Variants in NRXN3 observed in about 807,000 individuals in gnomAD.
NRXN3 encodes the protein neurexin 3.
Under a neutral mutation model 137.6 loss-of-function variants are expected in NRXN3, and 32 were observed. That is an observed-to-expected ratio of 0.23 (90% CI 0.18 to 0.31). The LOEUF is 0.31. Ranked by LOEUF, NRXN3 falls within the 10% of genes least tolerant of loss-of-function variation. The pLI is 1.00. For missense variants in NRXN3, 1,574 were observed against 2,062.5 expected, an observed-to-expected ratio of 0.76 and a Z score of 4.59; for synonymous variants, 798 against 784.5, an observed-to-expected ratio of 1.02 and a Z score of -0.29.
chr14:79,412,302 C>T (rs1436466943), intron 15 of NRXN3, among the ~76,000 whole-genome samples: 1 of 152,020 alleles, frequency 6.6e-6, no homozygotes, highest in Non-Finnish European at 1.5e-5. Flanking sequence ...GTTTTATTTA[C>T]AAATACTTAT....
chr14:79,793,293 GCGCCCCAGCT>G (rs2099151115), intron 19 of NRXN3, among the ~76,000 whole-genome samples: 2 of 151,988 alleles, frequency 1.3e-5, no homozygotes, highest in South Asian at 2.1e-4. Flanking sequence ...AATCAGCCGG[GCGCCCCAGCT>G]ATTCGGGAGC....
At chr14:79,791,482 A>C (rs2099145009) in intron 19 of NRXN3, among the ~76,000 whole-genome samples, 1 of 143,826 alleles carries the variant, frequency 7.0e-6, no homozygotes, top group Non-Finnish European at 1.5e-5. Context: ...ATATATTGTA[A>C]TAATTATAAT....
At chr14:79,591,938 A>G (rs113576996) in intron 16 of NRXN3, among the ~76,000 whole-genome samples, 1 of 139,454 alleles carries the variant, frequency 7.2e-6, no homozygotes, top group African/African-American at 2.8e-5. Context: ...TATAACTTAC[A>G]TACAATGAAA....
At chr14:78,350,906 C>G (rs756677986) in intron 4 of NRXN3, among the ~76,000 whole-genome samples, 2 of 152,056 alleles carry the variant, frequency 1.3e-5, no homozygotes, top group African/African-American at 4.8e-5. Flanking sequence ...CCCTAAAACC[C>G]CATTACCCAG....
intron 15 of NRXN3, among the ~76,000 whole-genome samples, chr14:79,363,725 AATG>A (rs1360854687): frequency 6.6e-6 from 1 of 152,238 alleles, no homozygotes; most frequent in South Asian, 2.1e-4. Flanking sequence ...AGATTGGAAG[AATG>A]ATATTTTCAT....
At chr14:78,757,705 T>A (rs2098675410) in intron 8 of NRXN3, among the ~76,000 whole-genome samples, 1 of 152,162 alleles carries the variant, frequency 6.6e-6, no homozygotes, top group African/African-American at 2.4e-5. Flanking sequence ...AAGACATGAG[T>A]GGAAAAACTG....
At chr14:79,500,558 T>G (rs2096815571) in intron 16 of NRXN3, among the ~76,000 whole-genome samples, 1 of 152,210 alleles carries the variant, frequency 6.6e-6, no homozygotes, top group Non-Finnish European at 1.5e-5. Context: ...ATGATTAGAA[T>G]AATTGCTGTC....
At chr14:79,035,093 C>T (rs1035462218) in intron 15 of NRXN3, among the ~76,000 whole-genome samples, 4 of 152,104 alleles carry the variant, frequency 2.6e-5, no homozygotes, top group Non-Finnish European at 5.9e-5. Flanking sequence ...TCAACTTTAG[C>T]TCTTTTACAC....
intron 10 of NRXN3, among the ~76,000 whole-genome samples, chr14:78,866,660 CA>C (rs146922375): frequency 0.018 from 2,664 of 152,060 alleles, 82 homozygotes; most frequent in African/African-American, 0.061. Context: ...TCATAGCTTC[CA>C]AAATTCACAG....
chr14:78,840,876 T>A (rs2099010492), intron 10 of NRXN3, among the ~76,000 whole-genome samples: 1 of 152,202 alleles, frequency 6.6e-6, no homozygotes, highest in Non-Finnish European at 1.5e-5. Context: ...ATGATAATAC[T>A]ATTAGTACTT....
intron 6 of NRXN3, among the ~76,000 whole-genome samples, chr14:78,686,978 A>G (rs2098131123): frequency 6.6e-6 from 1 of 152,170 alleles, no homozygotes; most frequent in African/African-American, 2.4e-5. Flanking sequence ...TAAGTTATAT[A>G]TGGTGGTATA....
chr14:78,986,122 T>C (rs1224504076), intron 14 of NRXN3, among the ~76,000 whole-genome samples: 1 of 152,174 alleles, frequency 6.6e-6, no homozygotes, highest in Non-Finnish European at 1.5e-5. Context: ...ACATGCGTCT[T>C]TAGGACCCTG....
chr14:79,180,493 A>C (rs1487005926), intron 15 of NRXN3, among the ~76,000 whole-genome samples: 1 of 152,238 alleles, frequency 6.6e-6, no homozygotes, highest in African/African-American at 2.4e-5. Flanking sequence ...TACTAGAAAC[A>C]GATGAAGAGT....
intron 15 of NRXN3, among the ~76,000 whole-genome samples, chr14:79,335,021 G>T (rs1416100182): frequency 6.6e-6 from 1 of 152,176 alleles, no homozygotes; most frequent in African/African-American, 2.4e-5. Context: ...ATTATTGGGT[G>T]TGGAGGTTAC....
intron 10 of NRXN3, among the ~76,000 whole-genome samples, chr14:78,945,599 G>A (rs1203331944): frequency 2.0e-5 from 3 of 152,144 alleles, no homozygotes; most frequent in African/African-American, 7.2e-5. Flanking sequence ...ATTAGGTTAT[G>A]CAACATTGGG....
At chr14:79,672,972 A>C (rs1195434430) in intron 17 of NRXN3, among the ~76,000 whole-genome samples, 2 of 152,104 alleles carry the variant, frequency 1.3e-5, no homozygotes, top group African/African-American at 2.4e-5. Context: ...ATATATTCAC[A>C]TACAGTATGT....
intron 1 of NRXN3, among the ~76,000 whole-genome samples, chr14:78,180,968 C>T (rs1403257169): frequency 6.6e-6 from 1 of 152,188 alleles, no homozygotes; most frequent in Admixed American, 6.5e-5. Flanking sequence ...CTAAATTAGA[C>T]TCTTTAGGGA....
At chr14:78,347,090 G>A (rs2153588037) in intron 4 of NRXN3, among the ~76,000 whole-genome samples, 1 of 152,316 alleles carries the variant, frequency 6.6e-6, no homozygotes, top group South Asian at 2.1e-4. Flanking sequence ...ACCCCCTGAA[G>A]TTACGTTCAC....
intron 15 of NRXN3, among the ~76,000 whole-genome samples, chr14:79,144,656 G>A (rs774303556): frequency 6.6e-6 from 1 of 152,076 alleles, no homozygotes; most frequent in African/African-American, 2.4e-5. Flanking sequence ...CTTGTGAAAT[G>A]GTCGCCTCTC....
Sources: allele counts gnomAD v4.1 joint callset (sites outside exome capture counted in the v4.1 genomes callset), GRCh38; gene constraint gnomAD v4.1.1; transcripts MANE v1.5; gene names NCBI Gene and HGNC (gene_info 2026-07-23, HGNC 2026-07-21).